NECTIN3: variants seen among roughly 807,000 people sequenced by gnomAD.
NECTIN3 encodes nectin-3.
A neutral mutation model predicts 49.4 loss-of-function variants in NECTIN3; 8 were observed. The observed-to-expected ratio is 0.16, with a 90% confidence interval of 0.10 to 0.29. The LOEUF (loss-of-function observed/expected upper bound fraction) is 0.29, where lower values mean the gene tolerates loss of function less well. Ranked by LOEUF, NECTIN3 falls within the 10% of genes least tolerant of loss-of-function variation. The pLI, the probability that NECTIN3 is intolerant of heterozygous loss-of-function variation, is 1.00. For missense variants in NECTIN3, 581 were observed against 654.6 expected (o/e 0.89, Z 1.23); for synonymous variants, 277 against 241.1 (o/e 1.15, Z -1.38).
At chr3:111,102,495 A>C (rs762336606) in intron 1 of NECTIN3, among the ~76,000 whole-genome samples, 3 of 152,224 alleles carry the variant, frequency 2.0e-5, no homozygotes, top group Non-Finnish European at 4.4e-5. Context: ...TGTCCAACCC[A>C]GGTTAAATCT....
In NECTIN3 at chr3:111,193,181, G is replaced by A. The variant is rs767854052; in HGVS notation, c.63+768G>A. ...GCAAACAGCTGCTCTGCTAATGTAA[G>A]CAATGTTTGAATTTTTAGAATGGAC... On this transcript the variant is annotated intron_variant, in intron 1 of 1. Coordinates refer to the NECTIN3 transcript ENST00000485506. The A allele has an allele frequency of 3.8e-5, 58 of 1,528,484 alleles. No individual in the cohort carries two copies. In the Middle Eastern group the frequency reaches 5.0e-4, roughly 13 times the overall value. The allele number at this position is 1,528,484 out of a possible 1,614,324, so 94.7% of individuals were successfully genotyped here.
At chr3:111,072,544 T>C (rs2030855626) in intron 1 of NECTIN3, 1 of 1,534,748 alleles carries the variant, frequency 6.5e-7, no homozygotes, top group South Asian at 1.2e-5. Flanking sequence ...CGTTTGCCGC[T>C]TTTTTTCCCG....
intron 7 of NECTIN3, among the ~76,000 whole-genome samples, chr3:111,164,855 A>G (rs1030141494): frequency 6.6e-6 from 1 of 152,166 alleles, no homozygotes; most frequent in East Asian, 1.9e-4. Context: ...GAATTTAGAC[A>G]TAACTTTTTT....
intron 7 of NECTIN3, among the ~76,000 whole-genome samples, chr3:111,156,683 A>G (rs1048134976): frequency 9.2e-5 from 14 of 152,160 alleles, no homozygotes; most frequent in African/African-American, 3.1e-4. Context: ...TTGCCTTGGC[A>G]ACCTGTCAGA....
Position 111,135,535 on chromosome 3 carries a change from A to G in NECTIN3, c.*1320A>G. The G allele has an allele frequency of 2.0e-6, 2 of 982,600 alleles. No individual in the cohort carries two copies. The highest frequency in any genetic ancestry group is 2.4e-6 in the Non-Finnish European group (2 of 827,458). The allele number at this position is 982,600 out of a possible 1,614,324, so 60.9% of individuals were successfully genotyped here. A position where few individuals can be genotyped will look rare whatever the true frequency, so the allele number is the denominator to read the frequency against. On this transcript the variant is annotated 3_prime_UTR_variant, in exon 6 of 6. Coordinates refer to ENST00000485303, the MANE Select transcript of NECTIN3 (RefSeq NM_015480.3). ...AGTGGAGGCTTACAAAATTATTGTGACAACTATTTTGAAGCTGAAAGGATA... is the reference window on the plus strand; with the variant it reads ...AGTGGAGGCTTACAAAATTATTGTGGCAACTATTTTGAAGCTGAAAGGATA...
At chr3:111,085,597 A>G (rs1013158542) in intron 1 of NECTIN3, among the ~76,000 whole-genome samples, 13 of 152,120 alleles carry the variant, frequency 8.5e-5, no homozygotes, top group African/African-American at 2.9e-4. Flanking sequence ...CTTAACCACC[A>G]TTCTGACTTC....
At chr3:111,149,503 GTGTGTA>G (rs2034955169) in intron 7 of NECTIN3, among the ~76,000 whole-genome samples, 1 of 141,778 alleles carries the variant, frequency 7.1e-6, no homozygotes, top group African/African-American at 2.9e-5. Flanking sequence ...GTGTGTGTGT[GTGTGTA>G]GAATCTCTTT....
At chr3:111,178,995 A>G (rs376604652) in intron 7 of NECTIN3, among the ~76,000 whole-genome samples, 90 of 152,338 alleles carry the variant, frequency 5.9e-4, no homozygotes, top group African/African-American at 2.1e-3. Context: ...CTTACTATAA[A>G]TCTTGGCTGT....
At chr3:111,145,858 G>A (rs1003114051) in intron 6 of NECTIN3, among the ~76,000 whole-genome samples, 1 of 152,096 alleles carries the variant, frequency 6.6e-6, no homozygotes, top group African/African-American at 2.4e-5. Flanking sequence ...CTTTGTATAT[G>A]TCTTTGCTTC....
chr3:111,159,480 T>G (rs143011188), intron 7 of NECTIN3, among the ~76,000 whole-genome samples: 175 of 152,316 alleles, frequency 1.1e-3, no homozygotes, highest in African/African-American at 3.8e-3. Flanking sequence ...ATAGTTTTTT[T>G]TGTTTGTTTT....
intron 5 of NECTIN3, among the ~76,000 whole-genome samples, chr3:111,132,450 C>T (rs1332016842): frequency 1.3e-5 from 2 of 151,828 alleles, no homozygotes; most frequent in Admixed American, 6.6e-5. Context: ...TTTTAAAGCT[C>T]TATCAGTACC....
intron 1 of NECTIN3, among the ~76,000 whole-genome samples, chr3:111,096,702 C>T (rs1177263842): frequency 6.6e-6 from 1 of 152,272 alleles, no homozygotes; most frequent in Non-Finnish European, 1.5e-5. Context: ...AGGTACAGCT[C>T]GGGCTGTTGC....
chr3:111,158,056 T>G (rs1221839915), intron 7 of NECTIN3, among the ~76,000 whole-genome samples: 1 of 151,854 alleles, frequency 6.6e-6, no homozygotes. Flanking sequence ...TTACTTCAAA[T>G]TTTTTTTGCT....
intron 7 of NECTIN3, among the ~76,000 whole-genome samples, chr3:111,149,630 A>C (rs1334145930): frequency 1.3e-5 from 2 of 151,970 alleles, no homozygotes; most frequent in African/African-American, 4.8e-5. Context: ...CTATTAGCAT[A>C]TAGAAATGCC....
At chr3:111,139,617 A>C (rs1016902028), downstream of NECTIN3, among the ~76,000 whole-genome samples, 1 of 151,782 alleles carries the variant, frequency 6.6e-6, no homozygotes, top group Non-Finnish European at 1.5e-5. Context: ...TAGATCTATT[A>C]ACCCTGTTCT....
At chr3:111,129,390 C>T (rs2034294025) in intron 5 of NECTIN3, among the ~76,000 whole-genome samples, 1 of 152,048 alleles carries the variant, frequency 6.6e-6, no homozygotes, top group African/African-American at 2.4e-5. Context: ...TTTTTACCCT[C>T]AGAACGTAAG....
intron 1 of NECTIN3, among the ~76,000 whole-genome samples, chr3:111,103,149 A>C (rs977228365): frequency 3.9e-5 from 6 of 152,130 alleles, no homozygotes; most frequent in African/African-American, 1.4e-4. Flanking sequence ...TTCTCCGTAT[A>C]CATTTGAGAA....
chr3:111,192,128 A>C (rs1404805337), upstream of NECTIN3, among the ~76,000 whole-genome samples: 1 of 152,194 alleles, frequency 6.6e-6, no homozygotes, highest in African/African-American at 2.4e-5. Context: ...CACTGTGCCC[A>C]GCCCTATATT....
chr3:111,183,662 T>G (rs1024315861), intron 7 of NECTIN3, among the ~76,000 whole-genome samples: 16 of 152,146 alleles, frequency 1.1e-4, no homozygotes, highest in African/African-American at 3.9e-4. Flanking sequence ...TTTTTTTCAT[T>G]TAGCACTTTA....
Sources: gnomAD v4.1 joint callset for allele counts (sites outside exome capture counted in the v4.1 genomes callset) on GRCh38, gnomAD v4.1.1 for gene constraint, MANE v1.5 for transcripts, NCBI Gene and HGNC (gene_info 2026-07-23, HGNC 2026-07-21) for gene names.